Variants in IZUMO4 observed in about 807,000 individuals in gnomAD.
IZUMO4 encodes the protein IZUMO family member 4, also known as izumo sperm-egg fusion protein 4.
Under a neutral mutation model 37.1 loss-of-function variants are expected in IZUMO4, and 51 were observed. The observed-to-expected ratio is 1.38, with a 90% CI of 1.10 to 1.74. The LOEUF (loss-of-function observed/expected upper bound fraction) is 1.74, where lower values mean the gene tolerates loss of function less well. Among genes scored for constraint, IZUMO4 ranks in the 40% most tolerant of loss-of-function variants. The probability of loss-of-function intolerance (pLI) is 0.00; values close to 1 mark genes in which losing one functional copy is unlikely to be tolerated. For synonymous variants in IZUMO4, 162 were observed against 121.4 expected, an observed-to-expected ratio of 1.33 and a Z score of -2.20; for missense variants, 364 against 299.6, an observed-to-expected ratio of 1.21 and a Z score of -1.59.
Position 2,099,032 on chromosome 19 carries a change from G to T in IZUMO4, c.608+3G>T. On this transcript the variant is annotated splice_donor_region_variant and intron_variant, in intron 9 of 9. Transcript: ENST00000395301. ...ACACACAGAGCCACCCCGGCCTTGT[G>T]AGTGACCCAGAGAAGGGAGGCCTCG... is the stretch of plus-strand genomic sequence containing the variant. 6.2e-7 allele frequency: 1 copy of T among 1,612,874 alleles called. No homozygotes were observed. The highest frequency in any genetic ancestry group is 1.7e-4 in the Middle Eastern group (1 of 6,052).
At position 2,098,106 on chromosome 19, in the gene IZUMO4, C is replaced by T. The variant is rs769133189; in HGVS notation, c.452C>T (p.Ala151Val). 2.5e-6 allele frequency: 4 copies of T among 1,613,580 alleles called. No individual in the cohort carries two copies. Among genetic ancestry groups the T allele is most frequent in the South Asian group, 1.1e-5 (1 of 91,088 alleles). The change falls in exon 5 of 10, where the codon GCC (alanine) becomes GTC (valine). Residue 151 changes from alanine to valine, a missense_variant. By Grantham distance (64) the Ala-to-Val change is moderately conservative (BLOSUM62 0). Coordinates refer to ENST00000395301, the MANE Select transcript of IZUMO4 (RefSeq NM_001039846.2). ...AACAACTGCACAGACTCGCACGTCGCCTGCTTTGGCTATAACTGCGAGTAG... is the reference window on the plus strand; with the variant it reads ...AACAACTGCACAGACTCGCACGTCGTCTGCTTTGGCTATAACTGCGAGTAG... ...SCNNCTDSHVACFGYNCESSA... is the reference protein window; with the variant it reads ...SCNNCTDSHVVCFGYNCESSA...
rs142179915 is a variant in IZUMO4, at chr19:2,097,397, T to C, written c.299-27T>C. On this transcript the variant is annotated intron_variant, in intron 2 of 9. Coordinates refer to ENST00000395301, the MANE Select transcript of IZUMO4 (RefSeq NM_001039846.2). Reference sequence around the variant, plus strand: ...GGACACCCCGCCCACCGCCTGAGCCTGACCTTCTCCTGCCTCGACGACTCA... The same window carrying C: ...GGACACCCCGCCCACCGCCTGAGCCCGACCTTCTCCTGCCTCGACGACTCA... The C allele has an allele frequency of 1.5e-3, 2,026 of 1,359,208 alleles. 29 individuals carry two copies. The African/African-American group carries it at 0.027, about 18-fold the overall frequency. The allele number at this position is 1,359,208 out of a possible 1,614,324, so 84.2% of individuals were successfully genotyped here.
intron 7 of IZUMO4, 69 bp downstream of exon 7, chr19:2,098,519 G>A (rs566893838): frequency 2.0e-5 from 32 of 1,611,092 alleles, no homozygotes; most frequent in Middle Eastern, 1.7e-4. Context: ...AGTATGTGTG[G>A]GGCACAGGCT....
intron 1 of IZUMO4, 27 bp from the exon 2 acceptor site, chr19:2,097,225 T>TC (rs761114639): frequency 2.5e-6 from 4 of 1,609,278 alleles, no homozygotes; most frequent in Non-Finnish European, 3.4e-6. Flanking sequence ...GGCAGGCCGG[T>TC]CACCTGGCTT....
chr19:2,098,202 G>GCTCCCCGCCTTCCAC, intron 5 of IZUMO4, 75 bp downstream of exon 5: 1 of 1,609,856 alleles, frequency 6.2e-7, no homozygotes, highest in Non-Finnish European at 8.5e-7. Flanking sequence ...CTTGGAGGGG[G>GCTCCCCGCCTTCCAC]CTCCCCGCCT....
At chr19:2,097,358 G>GCCCCCCCCCCCCCGGGCCC in intron 2 of IZUMO4, 26 bp downstream of exon 2, 2 of 1,602,858 alleles carry the variant, frequency 1.2e-6, no homozygotes, top group Non-Finnish European at 1.7e-6. Context: ...CCGAGGCGGG[G>GCCCCCCCCCCCCCGGGCCC]CCCCCCCACC....
chr19:2,098,133 G>C lies in IZUMO4; in HGVS notation c.473+6G>C, dbSNP rs1393688846. The C allele has an allele frequency of 3.7e-6, 6 of 1,613,300 alleles. 1 individual carries two copies. The African/African-American group carries it at 5.3e-5, about 14-fold the overall frequency. On this transcript the variant is annotated splice_donor_region_variant and intron_variant, in intron 5 of 9. Transcript: ENST00000395301. ...TGCTTTGGCTATAACTGCGAGTAGG[G>C]CTCAGGCATCACACCCACCCGTGCC...
In IZUMO4 at chr19:2,099,227, G is replaced by T. The variant is rs370414679; in HGVS notation, c.609-28G>T. The stretch of plus-strand genomic sequence containing the variant: ...GGAGGCAGGGGGTGGGGGACATGGA[G>T]AGCTGAGGCAGCCTCGTCTCCCCGC... On this transcript the variant is annotated intron_variant, in intron 9 of 9. Transcript: ENST00000395301. 1.1e-5 allele frequency: 17 copies of T among 1,594,620 alleles called. No individual in the cohort carries two copies. The African/African-American group carries it at 2.1e-4, about 20-fold the overall frequency.
At chr19:2,097,838 G>C (rs1199664498) in intron 3 of IZUMO4, 91 bp from the exon 4 acceptor site, 28 of 1,505,988 alleles carry the variant, frequency 1.9e-5, no homozygotes, top group Non-Finnish European at 2.5e-5. Context: ...AGTGCCGAGG[G>C]ACAGGCCCTG....
rs758133858 is a variant in IZUMO4, at chr19:2,098,457, C to T, written c.536+7C>T. On this transcript the variant is annotated splice_region_variant and intron_variant, in intron 7 of 9. Coordinates refer to ENST00000395301, the MANE Select transcript of IZUMO4 (RefSeq NM_001039846.2). Reference sequence around the variant, plus strand: ...GTAGAAATAACTGGCACAAGTAAGTCCCCTCCTCAAACCAACACAGGCAGT... The same window carrying T: ...GTAGAAATAACTGGCACAAGTAAGTTCCCTCCTCAAACCAACACAGGCAGT... 1.2e-5 allele frequency: 19 copies of T among 1,613,892 alleles called. No individual in the cohort carries two copies. The highest frequency in any genetic ancestry group is 2.2e-5 in the East Asian group (1 of 44,888).
At position 2,099,185 on chromosome 19, in the gene IZUMO4, C is replaced by T. The variant is rs537043121; in HGVS notation, c.609-70C>T. 4 of 1,491,578 alleles carry T rather than the reference C, an allele frequency of 2.7e-6. No homozygotes were observed. The South Asian group carries it at 3.4e-5, about 13-fold the overall frequency. 92.4% of individuals were successfully genotyped at this position (1,491,578 alleles called of 1,614,324 possible). ...ACACGTCCCAGCTGGGAGGAGAGGC[C>T]TGGGGCCCCCAGGGAGGGAGGCAGG... On this transcript the variant is annotated intron_variant, in intron 9 of 9. Coordinates refer to ENST00000395301, the MANE Select transcript of IZUMO4 (RefSeq NM_001039846.2).
chr19:2,099,167 C>A, intron 9 of IZUMO4, 88 bp from the exon 10 acceptor site: 1 of 1,404,318 alleles, frequency 7.1e-7, no homozygotes, highest in Non-Finnish European at 1.0e-6. Flanking sequence ...ACCACACGTC[C>A]CAGCTGGGAG....
chr19:2,098,941 C>T, intron 8 of IZUMO4, 35 bp from the exon 9 acceptor site: 1 of 1,610,226 alleles, frequency 6.2e-7, no homozygotes, highest in Non-Finnish European at 8.5e-7. Context: ...GATGTCACCT[C>T]TGCAACCACA....
At chr19:2,098,257 G>T (rs1184061691) in intron 5 of IZUMO4, 30 bp from the exon 6 acceptor site, 8 of 1,613,378 alleles carry the variant, frequency 5.0e-6, no homozygotes, top group Non-Finnish European at 4.2e-6. Flanking sequence ...GGGTTCAGGG[G>T]CGCACCACTT....
chr19:2,097,673 C>T (rs980222147), intron 3 of IZUMO4, 178 bp downstream of exon 3: 22 of 716,468 alleles, frequency 3.1e-5, no homozygotes, highest in South Asian at 9.9e-5. Context: ...CATCACCCCG[C>T]GGGGACCTCC....
rs1215529635 is a variant in IZUMO4, at chr19:2,096,935, C to T, written c.-11C>T. On this transcript the variant is annotated 5_prime_UTR_variant, in exon 1 of 10. Transcript: ENST00000395301. The stretch of plus-strand genomic sequence containing the variant: ...GCGTCGTTGGTTGGCCGGCGGCGGG[C>T]CGGGACGGGCATGGCCCTGCTGCTG... The T allele has an allele frequency of 1.3e-6, 2 of 1,599,432 alleles. No homozygotes were observed. The highest frequency in any genetic ancestry group is 1.7e-6 in the Non-Finnish European group (2 of 1,176,630).
rs762062448 is a variant in IZUMO4 at position 2,098,104 on chromosome 19, C to T, written c.450C>T (p.Val150=). The T allele has an allele frequency of 9.7e-5, 156 of 1,613,442 alleles. No homozygotes were observed. The highest frequency in any genetic ancestry group is 1.6e-4 in the Middle Eastern group (1 of 6,084). Residue 150 remains valine, a synonymous_variant, in exon 5 of 10, where the codon GTC becomes GTT. Coordinates refer to ENST00000395301, the MANE Select transcript of IZUMO4 (RefSeq NM_001039846.2). The stretch of plus-strand genomic sequence containing the variant: ...GCAACAACTGCACAGACTCGCACGT[C>T]GCCTGCTTTGGCTATAACTGCGAGT... ...ISCNNCTDSH[V]ACFGYNCESS...
rs757807774 is a variant in IZUMO4, at chr19:2,097,984, G to A, written c.397+29G>A. 1.5e-5 allele frequency: 25 copies of A among 1,613,102 alleles called. No individual in the cohort carries two copies. In the East Asian group the frequency reaches 4.0e-4, roughly 26 times the overall value. ...AGCAAGGCTCCGTCCAGGCTGAGGG[G>A]CGTGCCGGTGGCAGCTCGGGGCCCT... is the stretch of plus-strand genomic sequence containing the variant. On this transcript the variant is annotated intron_variant, in intron 4 of 9. Transcript: ENST00000395301.
At chr19:2,098,391 C>G (rs574437640) in intron 6 of IZUMO4, 45 bp from the exon 7 acceptor site, 1 of 1,613,930 alleles carries the variant, frequency 6.2e-7, no homozygotes, top group Non-Finnish European at 8.5e-7. Context: ...GGAACACTGG[C>G]CACGGCCACT....
Sources: gnomAD v4.1 joint callset for allele counts on GRCh38, gnomAD v4.1.1 for gene constraint, MANE v1.5 for transcripts, NCBI Gene and HGNC (gene_info 2026-07-23, HGNC 2026-07-21) for gene names.